GYG1: variants seen among roughly 807,000 people sequenced by gnomAD.
The protein encoded by GYG1 is glycogenin 1.
Under a neutral mutation model 41.9 loss-of-function variants are expected in GYG1, and 44 were observed. The ratio of observed to expected loss-of-function variants is 1.05; its 90% CI spans 0.83 to 1.35. The LOEUF (loss-of-function observed/expected upper bound fraction) is 1.35, where lower values mean the gene tolerates loss of function less well. Among genes scored for constraint, GYG1 ranks in the 40% most tolerant of loss-of-function variants. GYG1 has a pLI of 0.00. For missense variants in GYG1, 429 were observed against 418.9 expected (o/e 1.02, Z -0.21); for synonymous variants, 141 against 158.1 (o/e 0.89, Z 0.81).
chr3:149,025,446 C>T (rs1714600806), intron 6 of GYG1, among the ~76,000 whole-genome samples: 1 of 152,116 alleles, frequency 6.6e-6, no homozygotes, highest in African/African-American at 2.4e-5. Flanking sequence ...CCTAACAGGC[C>T]ATGGACTACT....
chr3:148,997,264 AAG>A (rs1712856586), intron 4 of GYG1, among the ~76,000 whole-genome samples: 1 of 152,316 alleles, frequency 6.6e-6, no homozygotes, highest in South Asian at 2.1e-4. Flanking sequence ...ACGTAAGCTC[AAG>A]AGAGTTTGAC....
At chr3:148,992,556 C>T (rs75542259) in intron 1 of GYG1, 3,165 of 152,372 alleles carry the variant, frequency 0.021, 114 homozygotes, top group African/African-American at 0.072. Flanking sequence ...TCCTTGAATC[C>T]TGCTCACCTT....
intron 5 of GYG1, among the ~76,000 whole-genome samples, chr3:149,010,867 A>G (rs957092011): frequency 6.6e-6 from 1 of 152,186 alleles, no homozygotes; most frequent in African/African-American, 2.4e-5. Context: ...GAGTTAGCGG[A>G]AAACAAAGGG....
At chr3:149,024,968 C>T (rs187925201) in intron 6 of GYG1, among the ~76,000 whole-genome samples, 1 of 152,272 alleles carries the variant, frequency 6.6e-6, no homozygotes, top group Admixed American at 6.5e-5. Flanking sequence ...ATCAGATAAT[C>T]AGCTAATCAC....
At chr3:149,022,324 A>G (rs1714413553) in intron 5 of GYG1, among the ~76,000 whole-genome samples, 1 of 152,094 alleles carries the variant, frequency 6.6e-6, no homozygotes, top group Admixed American at 6.6e-5. Context: ...TAAAATGTGC[A>G]TTGTTTAAAA....
chr3:149,026,984 A>T lies in GYG1; in HGVS notation c.*51A>T, dbSNP rs988901606. ...ATCCACTTCACAAGCCTTGTTTCTG[A>T]TACTTAGTATCTAGAGCTGGGTTGA... is the stretch of plus-strand genomic sequence containing the variant. On this transcript the variant is annotated 3_prime_UTR_variant, in exon 8 of 8. Transcript: ENST00000345003. 4.1e-5 allele frequency: 65 copies of T among 1,582,186 alleles called. No individual in the cohort carries two copies. The highest frequency in any genetic ancestry group is 5.2e-5 in the Non-Finnish European group (60 of 1,150,828).
rs1714709266 is a variant in GYG1, at chr3:149,027,248, G to C, written c.*315G>C. 2.7e-6 allele frequency: 1 copy of C among 368,454 alleles called. No homozygotes were observed. The highest frequency in any genetic ancestry group is 2.1e-5 in the African/African-American group (1 of 48,560). 22.8% of individuals were successfully genotyped at this position (368,454 alleles called of 1,614,324 possible). ...ATGGCTGTATCAGTTCTTAAAATCTGCAGAGCCTGGTTCAAAATCAGTCAC... is the reference window on the plus strand; with the variant it reads ...ATGGCTGTATCAGTTCTTAAAATCTCCAGAGCCTGGTTCAAAATCAGTCAC... On this transcript the variant is annotated 3_prime_UTR_variant, in exon 8 of 8. Coordinates refer to ENST00000345003, the MANE Select transcript of GYG1 (RefSeq NM_004130.4).
At chr3:149,019,072 A>AG in intron 5 of GYG1, among the ~76,000 whole-genome samples, 1 of 151,240 alleles carries the variant, frequency 6.6e-6, no homozygotes, top group Admixed American at 6.6e-5. Flanking sequence ...CTGTCTTAAA[A>AG]AAAAAAAAAA....
rs1028467140 is a variant in GYG1, at chr3:148,996,777, A to G, written c.354A>G (p.Glu118=). The change falls in exon 4 of 8, where the codon GAA becomes GAG. Residue 118 remains glutamate (E), a synonymous_variant. Transcript: ENST00000345003. Reference sequence around the variant, plus strand: ...ATATTGATGATCTTTTTGACAGAGAAGAATTGTCAGCAGCACCAGACCCAG... The same window carrying G: ...ATATTGATGATCTTTTTGACAGAGAGGAATTGTCAGCAGCACCAGACCCAG... ...LANIDDLFDR[E]ELSAAPDPGW... is the part of the protein sequence containing the mutation. The G allele has an allele frequency of 8.1e-6, 13 of 1,613,834 alleles. No individual in the cohort carries two copies. The highest frequency in any genetic ancestry group is 2.2e-5 in the East Asian group (1 of 44,904).
intron 4 of GYG1, chr3:149,008,225 T>C (rs886821419): frequency 5.9e-5 from 9 of 152,256 alleles, no homozygotes; most frequent in Admixed American, 3.9e-4. Flanking sequence ...TTTTACTTTT[T>C]GATTCTTTTT....
intron 6 of GYG1, 45 bp from the exon 7 acceptor site, chr3:149,026,407 T>C: frequency 8.4e-7 from 1 of 1,190,352 alleles, no homozygotes; most frequent in Non-Finnish European, 1.3e-6. Context: ...GAGACTTGTG[T>C]TCCCTTGCCC....
At chr3:149,008,965 C>A (rs1713561499) in intron 4 of GYG1, 1 of 300,314 alleles carries the variant, frequency 3.3e-6, no homozygotes, top group Admixed American at 4.8e-5. Context: ...CGAGTCCAGC[C>A]TGGCCAACAC....
intron 5 of GYG1, among the ~76,000 whole-genome samples, chr3:149,016,260 CA>C (rs369746026): frequency 4.2e-3 from 297 of 70,022 alleles, no homozygotes; most frequent in African/African-American, 0.013. Context: ...GACTCCGTCT[CA>C]AAAAAAAAAA....
chr3:149,020,614 CTTA>C (rs1159592832), intron 5 of GYG1, among the ~76,000 whole-genome samples: 1 of 152,182 alleles, frequency 6.6e-6, no homozygotes, highest in Non-Finnish European at 1.5e-5. Context: ...ATTATGAGCT[CTTA>C]TTATTACTAC....
At chr3:148,998,544 T>G (rs2107889823) in intron 4 of GYG1, among the ~76,000 whole-genome samples, 1 of 152,316 alleles carries the variant, frequency 6.6e-6, no homozygotes, top group Middle Eastern at 3.4e-3. Context: ...AGCAGGAGTA[T>G]CTGAACCATA....
intron 5 of GYG1, among the ~76,000 whole-genome samples, chr3:149,016,165 G>T (rs1230736507): frequency 6.6e-6 from 1 of 150,678 alleles, no homozygotes; most frequent in Non-Finnish European, 1.5e-5. Flanking sequence ...GGAGGCTGAG[G>T]CAGGAGAATG....
chr3:149,012,294 C>G (rs939508481), intron 5 of GYG1, among the ~76,000 whole-genome samples: 1 of 150,998 alleles, frequency 6.6e-6, no homozygotes, highest in Non-Finnish European at 1.5e-5. Context: ...TTGGTGGTCT[C>G]CAGGACTAAG....
intron 1 of GYG1, among the ~76,000 whole-genome samples, chr3:148,993,228 C>T (rs1410449198): frequency 6.8e-6 from 1 of 146,608 alleles, no homozygotes; most frequent in Non-Finnish European, 1.5e-5. Context: ...GGGGACTGTT[C>T]AGCAGGAGGA....
intron 6 of GYG1, 61 bp downstream of exon 6, chr3:149,024,333 C>A: frequency 1.0e-6 from 1 of 1,000,118 alleles, no homozygotes; most frequent in Non-Finnish European, 1.6e-6. Flanking sequence ...ATTGTTGTAT[C>A]AATAGAGATG....
Sources: gnomAD v4.1 joint callset for allele counts (sites outside exome capture counted in the v4.1 genomes callset) on GRCh38, gnomAD v4.1.1 for gene constraint, MANE v1.5 for transcripts, NCBI Gene and HGNC (gene_info 2026-07-23, HGNC 2026-07-21) for gene names.